Variants in AMOTL1 observed in about 807,000 individuals in gnomAD.
The protein encoded by AMOTL1 is angiomotin like 1.
A neutral mutation model predicts 102.9 loss-of-function variants in AMOTL1; 45 were observed. The ratio of observed to expected loss-of-function variants is 0.44; its 90% CI spans 0.34 to 0.56. The LOEUF (loss-of-function observed/expected upper bound fraction) is 0.56, where lower values mean the gene tolerates loss of function less well. Ranked by LOEUF, AMOTL1 falls within the 20% of genes least tolerant of loss-of-function variation. The pLI, the probability that AMOTL1 is intolerant of heterozygous loss-of-function variation, is 0.01. For missense variants in AMOTL1, 1,114 were observed against 1,225.6 expected (o/e 0.91, Z 1.36); for synonymous variants, 481 against 484.7 (o/e 0.99, Z 0.10).
rs534981003 is a variant in AMOTL1 at position 94,824,192 on chromosome 11, A to G, written c.1413+2371A>G. On this transcript the variant is annotated intron_variant, in intron 4 of 12. Coordinates refer to ENST00000433060, the MANE Select transcript of AMOTL1 (RefSeq NM_130847.3). Reference sequence around the variant, plus strand: ...AATCAAAAGCTGTGTCCCTTCTTGAACCCAAAACTTTTTCAGTCCCTTGAA... The same window carrying G: ...AATCAAAAGCTGTGTCCCTTCTTGAGCCCAAAACTTTTTCAGTCCCTTGAA... Among the ~76,000 whole-genome samples the G allele has an allele frequency of 3.3e-5, 5 of 152,238 alleles. No individual in the cohort carries two copies. The East Asian group carries it at 9.6e-4, about 29-fold the overall frequency.
intron 1 of AMOTL1, among the ~76,000 whole-genome samples, chr11:94,712,160 C>T (rs1465097074): frequency 1.3e-5 from 2 of 152,096 alleles, no homozygotes; most frequent in South Asian, 2.1e-4. Context: ...AGTGATATCT[C>T]ATTGTGGTTT....
intron 3 of AMOTL1, among the ~76,000 whole-genome samples, chr11:94,748,664 T>G (rs1186189655): frequency 6.6e-6 from 1 of 152,248 alleles, no homozygotes; most frequent in Non-Finnish European, 1.5e-5. Context: ...CTGTATCTTC[T>G]TTTCCTAAAC....
intron 2 of AMOTL1, among the ~76,000 whole-genome samples, chr11:94,736,072 C>A (rs187631572): frequency 6.6e-6 from 1 of 152,146 alleles, no homozygotes; most frequent in Admixed American, 6.5e-5. Flanking sequence ...TCCACCTTGT[C>A]GTTTCCTCCC....
At chr11:94,730,157 A>G (rs1950324000) in intron 2 of AMOTL1, among the ~76,000 whole-genome samples, 1 of 152,124 alleles carries the variant, frequency 6.6e-6, no homozygotes, top group Non-Finnish European at 1.5e-5. Flanking sequence ...ACCCCATGGA[A>G]AAAAACTAAA....
At chr11:94,813,681 G>T (rs985664331) in intron 3 of AMOTL1, among the ~76,000 whole-genome samples, 1 of 152,002 alleles carries the variant, frequency 6.6e-6, no homozygotes, top group African/African-American at 2.4e-5. Context: ...TATACATGTC[G>T]TCCCATGTGT....
chr11:94,847,456 C>A (rs1952440222), intron 6 of AMOTL1, among the ~76,000 whole-genome samples: 1 of 152,186 alleles, frequency 6.6e-6, no homozygotes, highest in African/African-American at 2.4e-5. Context: ...GCCAGATGCT[C>A]TTATTGGCCC....
chr11:94,753,417 A>G (rs1186932123), intron 3 of AMOTL1, among the ~76,000 whole-genome samples: 1 of 150,514 alleles, frequency 6.6e-6, no homozygotes, highest in Non-Finnish European at 1.5e-5. Flanking sequence ...ATTTGCTGAC[A>G]TTGAAAAAAG....
chr11:94,840,563 C>T (rs1952275784), intron 6 of AMOTL1, among the ~76,000 whole-genome samples: 1 of 150,836 alleles, frequency 6.6e-6, no homozygotes, highest in Admixed American at 6.6e-5. Context: ...CTTTTTCCGC[C>T]GGATGTAATG....
At chr11:94,861,186 A>G (rs577433561) in intron 9 of AMOTL1, among the ~76,000 whole-genome samples, 1 of 152,290 alleles carries the variant, frequency 6.6e-6, no homozygotes, top group East Asian at 1.9e-4. Flanking sequence ...GGGGATAGAC[A>G]CTTGAGATGG....
Position 94,743,584 on chromosome 11 carries a change from C to T in AMOTL1, c.136+2596C>T, listed in dbSNP as rs1277614401. The stretch of plus-strand genomic sequence containing the variant: ...GAGCACAGATGAGCACAGGTTCACT[C>T]CTGGCCGGAATATAAGAAGAAGCAG... On this transcript the variant is annotated intron_variant, in intron 3 of 4. Coordinates refer to the AMOTL1 transcript ENST00000299004. Among the ~76,000 whole-genome samples, 13 of 151,706 alleles carry T rather than the reference C, an allele frequency of 8.6e-5. 1 individual carries two copies. The highest frequency in any genetic ancestry group is 2.9e-4 in the African/African-American group (12 of 41,164).
At chr11:94,738,238 A>G (rs1197983955) in intron 2 of AMOTL1, among the ~76,000 whole-genome samples, 1 of 147,216 alleles carries the variant, frequency 6.8e-6, no homozygotes, top group Non-Finnish European at 1.5e-5. Context: ...CGAAAATAAG[A>G]CCAGAGAGCA....
intron 11 of AMOTL1, among the ~76,000 whole-genome samples, chr11:94,868,496 G>A (rs1053732611): frequency 3.9e-5 from 6 of 152,170 alleles, no homozygotes; most frequent in African/African-American, 9.7e-5. Flanking sequence ...CTACTCTTGA[G>A]GAAGGGGGTA....
intron 1 of AMOTL1, among the ~76,000 whole-genome samples, chr11:94,769,406 A>G (rs1950910555): frequency 2.0e-5 from 3 of 151,956 alleles, no homozygotes. Flanking sequence ...AGAGCAGACG[A>G]GCCCTGGCGC....
At chr11:94,808,396 T>G (rs1468143920) in intron 3 of AMOTL1, among the ~76,000 whole-genome samples, 1 of 152,256 alleles carries the variant, frequency 6.6e-6, no homozygotes, top group African/African-American at 2.4e-5. Context: ...GCATTTTCTC[T>G]TTATGAATTA....
At chr11:94,813,430 G>C (rs1325075613) in intron 3 of AMOTL1, among the ~76,000 whole-genome samples, 2 of 152,148 alleles carry the variant, frequency 1.3e-5, no homozygotes, top group Non-Finnish European at 2.9e-5. Flanking sequence ...AAATAACTGG[G>C]ATCAACGTTC....
chr11:94,823,899 T>G (rs2135638145), intron 4 of AMOTL1, among the ~76,000 whole-genome samples: 1 of 152,080 alleles, frequency 6.6e-6, no homozygotes, highest in East Asian at 1.9e-4. Flanking sequence ...TTTTTGTATT[T>G]TAGTAGAGAC....
chr11:94,735,396 T>A (rs1331610715), intron 2 of AMOTL1, among the ~76,000 whole-genome samples: 3 of 152,242 alleles, frequency 2.0e-5, no homozygotes, highest in Non-Finnish European at 4.4e-5. Context: ...TGTTGCTATA[T>A]AACCATACCT....
intron 1 of AMOTL1, among the ~76,000 whole-genome samples, chr11:94,708,231 G>T (rs11020918): frequency 0.086 from 13,146 of 152,176 alleles, 681 homozygotes; most frequent in East Asian, 0.22. Flanking sequence ...GCTTTCTAAG[G>T]ACATTTTTAC....
chr11:94,743,790 C>G (rs973788424), intron 3 of AMOTL1, among the ~76,000 whole-genome samples: 1 of 151,272 alleles, frequency 6.6e-6, no homozygotes, highest in Non-Finnish European at 1.5e-5. Flanking sequence ...TCCCAACTAG[C>G]TGGGATTACA....
Sources: allele counts gnomAD v4.1 joint callset (sites outside exome capture counted in the v4.1 genomes callset), GRCh38; gene constraint gnomAD v4.1.1; transcripts MANE v1.5; gene names NCBI Gene and HGNC (gene_info 2026-07-23, HGNC 2026-07-21).